The following MTMR4 variants were observed in gnomAD, a reference collection of about 807,000 sequenced individuals.
MTMR4 encodes phosphatidylinositol-3,5-bisphosphate 3-phosphatase MTMR4.
MTMR4 carries 30 observed loss-of-function variants against 125.5 expected under a neutral mutation model. That is an observed-to-expected ratio of 0.24 (90% CI 0.18 to 0.32). MTMR4 has a LOEUF of 0.32. Ranked by LOEUF, MTMR4 falls within the 10% of genes least tolerant of loss-of-function variation. The pLI, the probability that MTMR4 is intolerant of heterozygous loss-of-function variation, is 1.00. For missense variants in MTMR4, 1,039 were observed against 1,511.5 expected, an observed-to-expected ratio of 0.69 and a Z score of 5.18; for synonymous variants, 498 against 564.5, an observed-to-expected ratio of 0.88 and a Z score of 1.67.
At chr17:58,513,146 G>A (rs772654667) in intron 1 of MTMR4, among the ~76,000 whole-genome samples, 2 of 152,216 alleles carry the variant, frequency 1.3e-5, no homozygotes, top group Non-Finnish European at 2.9e-5. Flanking sequence ...TAAGCCTAAG[G>A]AAAGAGTGAG....
At chr17:58,500,607 A>C (rs987681164) in intron 14 of MTMR4, among the ~76,000 whole-genome samples, 1 of 151,946 alleles carries the variant, frequency 6.6e-6, no homozygotes, top group Non-Finnish European at 1.5e-5. Flanking sequence ...AAAACTAGCC[A>C]GGTGTGGTGG....
intron 14 of MTMR4, among the ~76,000 whole-genome samples, chr17:58,500,759 AAAAAAAAAAAAAG>A (rs1420245381): frequency 6.7e-6 from 1 of 150,064 alleles, no homozygotes; most frequent in Non-Finnish European, 1.5e-5. Flanking sequence ...AAAAAAAAAA[AAAAAAAAAAAAAG>A]AATTGCTCTC....
rs1314705357 is a variant in MTMR4 at position 58,495,219 on chromosome 17, G to GGCC, written c.2962_2964dup (p.Gly988dup). 2 of 1,614,010 alleles carry GGCC rather than the reference G, an allele frequency of 1.2e-6. No individual in the cohort carries two copies. The highest frequency in any genetic ancestry group is 1.7e-6 in the Non-Finnish European group (2 of 1,180,038). On this transcript the variant is annotated inframe_insertion, in exon 15 of 18. Coordinates refer to ENST00000682306, the MANE Select transcript of MTMR4 (RefSeq NM_001378067.1). Reference sequence around the variant, plus strand: ...AACCACATCTGGTTCTTTCCTCCTGGGCCAGTACAATGTCCATTGGAATGA... The same window carrying GGCC: ...AACCACATCTGGTTCTTTCCTCCTGGGCCGCCAGTACAATGTCCATTGGAATGA...
At chr17:58,492,660 G>T in intron 16 of MTMR4, 61 bp from the exon 17 acceptor site, 1 of 1,518,596 alleles carries the variant, frequency 6.6e-7, no homozygotes, top group Non-Finnish European at 9.1e-7. Context: ...GAGCAACATT[G>T]CAATGAGGAA....
chr17:58,514,664 C>T, upstream of MTMR4: 1 of 985,312 alleles, frequency 1.0e-6, no homozygotes. Context: ...GAGCCCGGGA[C>T]CGCGGCGGGA....
chr17:58,498,758 C>A (rs892250948), intron 14 of MTMR4, among the ~76,000 whole-genome samples: 9 of 152,106 alleles, frequency 5.9e-5, no homozygotes, highest in African/African-American at 2.2e-4. Context: ...ATTTCAATCC[C>A]AATTTCCCTG....
chr17:58,490,597 T>A lies in MTMR4; in HGVS notation c.*1066A>T, dbSNP rs1194978465. 6.6e-6 allele frequency: 1 copy of A among 152,588 alleles called. No homozygotes were observed. 9.5% of individuals were successfully genotyped at this position (152,588 alleles called of 1,614,324 possible). A position where few individuals can be genotyped will look rare whatever the true frequency, so the allele number is the denominator to read the frequency against. On this transcript the variant is annotated 3_prime_UTR_variant, in exon 18 of 18. Transcript: ENST00000682306. The stretch of plus-strand genomic sequence containing the variant: ...AAACCCTCACATACCAAACAGCATA[T>A]GCTAGGAGGTAAAAACCAAACGCTA...
chr17:58,495,218 G>A lies in MTMR4; in HGVS notation c.2966C>T (p.Pro989Leu). The change falls in exon 15 of 18, where the codon CCA becomes CTA. Residue 989 changes from proline to leucine, a missense_variant. By Grantham distance (98) the Pro-to-Leu change is moderately conservative. This residue lies in a region of MTMR4 where 619 missense variants were observed against 714.5 expected (regional missense o/e 0.87). Coordinates refer to ENST00000682306, the MANE Select transcript of MTMR4 (RefSeq NM_001378067.1). ...CAACCACATCTGGTTCTTTCCTCCT[G>A]GGCCAGTACAATGTCCATTGGAATG... The part of the protein sequence containing the change: ...SSHSNGHCTG[P>L]GGKNQMWLSS... 1 of 1,614,166 alleles carries A rather than the reference G, an allele frequency of 6.2e-7. No homozygotes were observed. Among genetic ancestry groups the A allele is most frequent in the Non-Finnish European group, 8.5e-7 (1 of 1,180,042 alleles).
At chr17:58,499,299 C>T (rs928933392) in intron 14 of MTMR4, among the ~76,000 whole-genome samples, 6 of 151,364 alleles carry the variant, frequency 4.0e-5, no homozygotes, top group Non-Finnish European at 8.8e-5. Flanking sequence ...ATAATCCTAG[C>T]ACTTTGGGAG....
intron 8 of MTMR4, 62 bp from the exon 9 acceptor site, chr17:58,506,933 C>T: frequency 6.3e-7 from 1 of 1,581,980 alleles, no homozygotes; most frequent in Non-Finnish European, 8.6e-7. Flanking sequence ...TGCTGGCCCT[C>T]TGGCACTCCC....
At chr17:58,502,822 G>A (rs1378760722) in intron 14 of MTMR4, among the ~76,000 whole-genome samples, 4 of 152,168 alleles carry the variant, frequency 2.6e-5, no homozygotes, top group Admixed American at 2.0e-4. Flanking sequence ...GGACACCTGT[G>A]GGGACAAGGA....
Position 58,491,666 on chromosome 17 carries a change from A to G in MTMR4, c.3627T>C (p.Ser1209=), listed in dbSNP as rs1291202767. 1.9e-6 allele frequency: 3 copies of G among 1,612,858 alleles called. No individual in the cohort carries two copies. Among genetic ancestry groups the G allele is most frequent in the Non-Finnish European group, 2.5e-6 (3 of 1,179,146 alleles). ...TGGACAGGTTTCTCCCCGGCATTCA[A>G]CTGGAAGCTGTAGCAATGGGTTTCT... The part of the protein sequence containing the change: ...QLKKPIATAS[S] Residue 1209 remains serine (S), a synonymous_variant, in exon 18 of 18, where the codon AGT becomes AGC. Transcript: ENST00000682306.
intron 14 of MTMR4, among the ~76,000 whole-genome samples, chr17:58,502,070 C>T (rs1283835150): frequency 7.1e-6 from 1 of 141,580 alleles, no homozygotes. Context: ...AACAAAAAAA[C>T]AAAACAAAAA....
chr17:58,504,284 C>A lies in MTMR4; in HGVS notation c.1527+19G>T, dbSNP rs1181792675. The A allele has an allele frequency of 6.2e-7, 1 of 1,607,566 alleles. No individual in the cohort carries two copies. Among genetic ancestry groups the A allele is most frequent in the East Asian group, 2.2e-5 (1 of 44,640 alleles). On this transcript the variant is annotated intron_variant, in intron 12 of 17. Transcript: ENST00000682306. This position sits in a 1 kb window ranked among gnomAD's most constrained non-coding sequence, Gnocchi z 7.1. The stretch of plus-strand genomic sequence containing the variant: ...CTGTCATTCCCCCCATCCCTGTTGT[C>A]ACAGGCCTTAGGACTTACCAGGAAT...
At chr17:58,498,788 A>C (rs942392114) in intron 14 of MTMR4, among the ~76,000 whole-genome samples, 1 of 152,140 alleles carries the variant, frequency 6.6e-6, no homozygotes, top group African/African-American at 2.4e-5. Context: ...TTTCTCCCCA[A>C]ACTGGCTGGT....
chr17:58,501,252 T>G (rs1397622927), intron 14 of MTMR4, among the ~76,000 whole-genome samples: 1 of 152,198 alleles, frequency 6.6e-6, no homozygotes, highest in Non-Finnish European at 1.5e-5. Context: ...GGCTCACACC[T>G]GTAATTCCAG....
intron 15 of MTMR4, 134 bp from the exon 16 acceptor site, chr17:58,493,086 T>C (rs1975357131): frequency 1.6e-6 from 1 of 632,318 alleles, no homozygotes; most frequent in African/African-American, 1.8e-5. Flanking sequence ...TGTATACTAC[T>C]AATATCCCCA....
At chr17:58,493,541 A>T (rs1975370185) in intron 15 of MTMR4, among the ~76,000 whole-genome samples, 1 of 152,120 alleles carries the variant, frequency 6.6e-6, no homozygotes, top group Non-Finnish European at 1.5e-5. Flanking sequence ...TTTTGTAGAG[A>T]TGGGGTTTCA....
intron 14 of MTMR4, among the ~76,000 whole-genome samples, chr17:58,497,505 T>C (rs895764408): frequency 1.3e-5 from 2 of 152,224 alleles, no homozygotes; most frequent in African/African-American, 4.8e-5. Context: ...TACCTAGCTC[T>C]TAAAGCTATT....
Sources: allele counts gnomAD v4.1 joint callset (sites outside exome capture counted in the v4.1 genomes callset), GRCh38; gene constraint gnomAD v4.1.1; regional missense constraint gnomAD v4.1.1; non-coding constraint Gnocchi (gnomAD v3.1); transcripts MANE v1.5; gene names NCBI Gene and HGNC (gene_info 2026-07-23, HGNC 2026-07-21).